DTNBP1: variants seen among roughly 807,000 people sequenced by gnomAD.
The protein encoded by DTNBP1 is dystrobrevin binding protein 1.
DTNBP1 carries 35 observed loss-of-function variants against 42.8 expected under a neutral mutation model. The observed-to-expected ratio is 0.82, with a 90% CI of 0.63 to 1.09. DTNBP1 has a LOEUF of 1.09. Among genes scored for constraint, DTNBP1 ranks in the 50% least tolerant of loss-of-function variants. The probability of loss-of-function intolerance (pLI) is 0.00; values close to 1 mark genes in which losing one functional copy is unlikely to be tolerated. For synonymous variants in DTNBP1, 171 were observed against 162.2 expected, an observed-to-expected ratio of 1.05 and a Z score of -0.41; for missense variants, 457 against 424.2, an observed-to-expected ratio of 1.08 and a Z score of -0.68.
intron 4 of DTNBP1, among the ~76,000 whole-genome samples, chr6:15,635,126 T>C (rs1398903679): frequency 6.6e-6 from 1 of 152,156 alleles, no homozygotes; most frequent in African/African-American, 2.4e-5. Context: ...TCTGTAGTTT[T>C]TGTTGTTGTT....
At chr6:15,578,069 A>G (rs999169208) in intron 7 of DTNBP1, among the ~76,000 whole-genome samples, 1 of 152,222 alleles carries the variant, frequency 6.6e-6, no homozygotes, top group Non-Finnish European at 1.5e-5. Flanking sequence ...GGTGCAGAAG[A>G]GAGAGGACAA....
chr6:15,600,394 T>C (rs1425988410), intron 6 of DTNBP1, among the ~76,000 whole-genome samples: 1 of 152,204 alleles, frequency 6.6e-6, no homozygotes, highest in African/African-American at 2.4e-5. Context: ...TTGTGAGACT[T>C]CCATGAGTTA....
chr6:15,533,521 T>A, intron 7 of DTNBP1, 126 bp from the exon 8 acceptor site: 1 of 1,472,568 alleles, frequency 6.8e-7, no homozygotes, highest in Non-Finnish European at 9.5e-7. Context: ...ACTGGGCTGG[T>A]GCCCCGACTG....
Position 15,652,075 on chromosome 6 carries a change from G to A in DTNBP1, c.110+12C>T. ...AAGTCACAGTTAAGTTAAAATCTTA[G>A]CACAAGCTTACCTGGGTTTGCTTTT... is the stretch of plus-strand genomic sequence containing the variant. On this transcript the variant is annotated intron_variant, in intron 2 of 9. Transcript: ENST00000344537. The A allele has an allele frequency of 6.2e-7, 1 of 1,611,610 alleles. No individual in the cohort carries two copies.
rs569785214 is a variant in DTNBP1 at position 15,572,303 on chromosome 6, C to T, written c.511+20756G>A. Reference sequence around the variant, plus strand: ...GGTGAGTCAAACCCACCCAGTGTGTCTAACAGCTTTTCAGCAGCCTGAGTG... The same window carrying T: ...GGTGAGTCAAACCCACCCAGTGTGTTTAACAGCTTTTCAGCAGCCTGAGTG... On this transcript the variant is annotated intron_variant, in intron 7 of 9. Transcript: ENST00000344537. Among the ~76,000 whole-genome samples, 9 of 152,332 alleles carry T rather than the reference C, an allele frequency of 5.9e-5. No individual in the cohort carries two copies. In the South Asian group the frequency reaches 1.9e-3, roughly 32 times the overall value.
At chr6:15,648,470 T>G (rs1432956685) in intron 3 of DTNBP1, among the ~76,000 whole-genome samples, 1 of 152,024 alleles carries the variant, frequency 6.6e-6, no homozygotes, top group Non-Finnish European at 1.5e-5. Context: ...TTTCTATTCA[T>G]AAATGATATG....
chr6:15,540,582 T>A (rs1773497748), intron 7 of DTNBP1, among the ~76,000 whole-genome samples: 1 of 152,228 alleles, frequency 6.6e-6, no homozygotes. Context: ...TACATCAGAA[T>A]GAAATCCAAT....
chr6:15,576,034 T>C (rs1267673890), intron 7 of DTNBP1, among the ~76,000 whole-genome samples: 1 of 152,226 alleles, frequency 6.6e-6, no homozygotes, highest in Non-Finnish European at 1.5e-5. Context: ...GACTTAATCC[T>C]AGACCACAGT....
intron 6 of DTNBP1, among the ~76,000 whole-genome samples, chr6:15,609,532 G>A (rs971069102): frequency 6.6e-6 from 1 of 152,082 alleles, no homozygotes; most frequent in Admixed American, 6.5e-5. Flanking sequence ...TGTTAGCCAG[G>A]CTGGTCTCTA....
intron 5 of DTNBP1, among the ~76,000 whole-genome samples, chr6:15,621,180 G>T (rs1460973434): frequency 2.0e-5 from 3 of 152,154 alleles, no homozygotes; most frequent in Non-Finnish European, 4.4e-5. Flanking sequence ...TCTCCTACAG[G>T]TAAAAGGAAT....
At chr6:15,631,295 T>C (rs1476386555) in intron 4 of DTNBP1, among the ~76,000 whole-genome samples, 1 of 152,214 alleles carries the variant, frequency 6.6e-6, no homozygotes, top group African/African-American at 2.4e-5. Context: ...ATAAGTACTT[T>C]TGATGAGCTG....
At chr6:15,639,554 T>C (rs776997370) in intron 3 of DTNBP1, among the ~76,000 whole-genome samples, 1 of 152,142 alleles carries the variant, frequency 6.6e-6, no homozygotes, top group Non-Finnish European at 1.5e-5. Context: ...AAAATTAAGG[T>C]GGAAGGTCAC....
chr6:15,524,402 G>C (rs1444046765), intron 9 of DTNBP1, 124 bp downstream of exon 9: 3 of 1,614,172 alleles, frequency 1.9e-6, no homozygotes, highest in Admixed American at 1.7e-5. Flanking sequence ...AGGGAGCCAG[G>C]AGCTGGCTGT....
intron 6 of DTNBP1, among the ~76,000 whole-genome samples, chr6:15,603,223 C>G (rs760414843): frequency 1.3e-5 from 2 of 152,132 alleles, no homozygotes; most frequent in Non-Finnish European, 2.9e-5. Flanking sequence ...AAATTCATAG[C>G]TCTCAGTCTG....
chr6:15,524,431 G>A (rs143890622), intron 9 of DTNBP1, 95 bp downstream of exon 9: 133 of 1,614,048 alleles, frequency 8.2e-5, no homozygotes, highest in African/African-American at 4.5e-4. Flanking sequence ...GGGTTTATGC[G>A]TAAGTGACTG....
intron 6 of DTNBP1, among the ~76,000 whole-genome samples, chr6:15,611,669 G>A (rs924494926): frequency 6.6e-6 from 1 of 152,192 alleles, no homozygotes; most frequent in Non-Finnish European, 1.5e-5. Flanking sequence ...CAAGAATTTT[G>A]AAGAAGTGGA....
intron 7 of DTNBP1, among the ~76,000 whole-genome samples, chr6:15,572,798 C>T (rs1460669684): frequency 1.3e-5 from 2 of 152,000 alleles, no homozygotes; most frequent in African/African-American, 4.8e-5. Context: ...GTGATGTGAT[C>T]GTGGCTCACT....
intron 6 of DTNBP1, among the ~76,000 whole-genome samples, chr6:15,605,311 A>C (rs184501487): frequency 6.6e-6 from 1 of 152,198 alleles, no homozygotes; most frequent in Non-Finnish European, 1.5e-5. Context: ...CTATACTTCC[A>C]TTTAGCTCTA....
chr6:15,536,945 G>C (rs942543455), intron 7 of DTNBP1, among the ~76,000 whole-genome samples: 1 of 152,232 alleles, frequency 6.6e-6, no homozygotes, highest in Non-Finnish European at 1.5e-5. Flanking sequence ...TGCCCTGCTG[G>C]ATTTCAGACT....
Sources: gnomAD v4.1 joint callset for allele counts (sites outside exome capture counted in the v4.1 genomes callset) on GRCh38, gnomAD v4.1.1 for gene constraint, MANE v1.5 for transcripts, NCBI Gene and HGNC (gene_info 2026-07-23, HGNC 2026-07-21) for gene names.